Variants in BBX observed in about 807,000 individuals in gnomAD.
The protein encoded by BBX is HMG box transcription factor BBX.
A neutral mutation model predicts 100.2 loss-of-function variants in BBX; 30 were observed. That is an observed-to-expected ratio of 0.30 (90% CI 0.22 to 0.41). The LOEUF is 0.41. BBX is among the 10% of genes least tolerant of loss of function. The pLI, the probability that BBX is intolerant of heterozygous loss-of-function variation, is 1.00. For missense variants in BBX, 1,023 were observed against 1,129.8 expected (o/e 0.91, Z 1.35); for synonymous variants, 376 against 388.1 (o/e 0.97, Z 0.37).
intron 2 of BBX, among the ~76,000 whole-genome samples, chr3:107,569,864 C>A (rs775550550): frequency 1.3e-5 from 2 of 152,132 alleles, no homozygotes; most frequent in Non-Finnish European, 2.9e-5. Context: ...CTGTGATGGT[C>A]CAGAAGGCTT....
intron 2 of BBX, among the ~76,000 whole-genome samples, chr3:107,615,835 G>T (rs1004610719): frequency 6.6e-6 from 1 of 151,902 alleles, no homozygotes; most frequent in African/African-American, 2.4e-5. Context: ...TACAAATTTG[G>T]CAATCATTGG....
chr3:107,584,802 C>T (rs2052707174), intron 2 of BBX, among the ~76,000 whole-genome samples: 1 of 143,680 alleles, frequency 7.0e-6, no homozygotes, highest in Non-Finnish European at 1.5e-5. Flanking sequence ...AGCAGTTCTC[C>T]TGCTTCAGCC....
At chr3:107,584,715 G>A (rs2052697326) in intron 2 of BBX, among the ~76,000 whole-genome samples, 1 of 99,866 alleles carries the variant, frequency 1.0e-5, no homozygotes, top group South Asian at 3.5e-4. Context: ...TTTTGAGGTG[G>A]AGTCTCACTC....
intron 2 of BBX, among the ~76,000 whole-genome samples, chr3:107,612,371 C>G (rs1408924932): frequency 6.6e-6 from 1 of 152,254 alleles, no homozygotes; most frequent in East Asian, 1.9e-4. Flanking sequence ...TACCTGTCCT[C>G]ATTAAGAAGG....
chr3:107,711,105 A>G (rs2061691862), intron 4 of BBX, among the ~76,000 whole-genome samples: 1 of 152,208 alleles, frequency 6.6e-6, no homozygotes, highest in Non-Finnish European at 1.5e-5. Flanking sequence ...CTCTGGCATC[A>G]GGCCTCAGCA....
intron 10 of BBX, among the ~76,000 whole-genome samples, chr3:107,763,327 C>G (rs111742948): frequency 1.3e-5 from 2 of 151,906 alleles, no homozygotes; most frequent in African/African-American, 2.4e-5. Flanking sequence ...CGGGTTCACG[C>G]CACTCTCCTG....
At chr3:107,674,509 T>TCCCGG (rs1419805245) in intron 3 of BBX, among the ~76,000 whole-genome samples, 2 of 152,194 alleles carry the variant, frequency 1.3e-5, no homozygotes, top group African/African-American at 4.8e-5. Context: ...GGATGACTGA[T>TCCCGG]CCCAGTGTAT....
At chr3:107,546,400 T>C (rs1217933430) in intron 2 of BBX, among the ~76,000 whole-genome samples, 2 of 152,216 alleles carry the variant, frequency 1.3e-5, no homozygotes, top group Non-Finnish European at 2.9e-5. Flanking sequence ...ACACTAGTTA[T>C]TTACTTACTT....
rs142570022 is a variant in BBX, at chr3:107,550,659, A to T, written c.-84+24261A>T. ...AACTACAAGGGAAATGTATCTTCTAAGTAAGATCAGGGTCAGATCCTGGGG... is the reference window on the plus strand; with the variant it reads ...AACTACAAGGGAAATGTATCTTCTATGTAAGATCAGGGTCAGATCCTGGGG... On this transcript the variant is annotated intron_variant, in intron 2 of 17. Transcript: ENST00000325805. Among the ~76,000 whole-genome samples the T allele has an allele frequency of 7.2e-5, 11 of 152,304 alleles. No homozygotes were observed. The East Asian group carries it at 1.9e-3, about 27-fold the overall frequency.
At chr3:107,651,971 A>G (rs2057865706) in intron 3 of BBX, among the ~76,000 whole-genome samples, 1 of 152,184 alleles carries the variant, frequency 6.6e-6, no homozygotes. Context: ...TACTGGTTCA[A>G]CCAGAAACAG....
chr3:107,531,189 C>T (rs542994530), intron 2 of BBX, among the ~76,000 whole-genome samples: 21 of 152,236 alleles, frequency 1.4e-4, no homozygotes, highest in Non-Finnish European at 2.2e-4. Context: ...GCATCTTCAC[C>T]ATTCTTTGGC....
intron 3 of BBX, among the ~76,000 whole-genome samples, chr3:107,655,534 T>A (rs1371353696): frequency 7.8e-6 from 1 of 128,018 alleles, no homozygotes; most frequent in Admixed American, 8.2e-5. Context: ...TTTTTTTTTT[T>A]AAGAGATAAG....
intron 2 of BBX, among the ~76,000 whole-genome samples, chr3:107,643,360 T>G (rs2057331428): frequency 6.6e-6 from 1 of 151,510 alleles, no homozygotes; most frequent in African/African-American, 2.4e-5. Flanking sequence ...ATGAAGTTTC[T>G]TAGAGGGAAT....
intron 2 of BBX, among the ~76,000 whole-genome samples, chr3:107,615,815 G>A (rs1234469229): frequency 4.6e-5 from 7 of 152,024 alleles, no homozygotes; most frequent in Admixed American, 1.3e-4. Context: ...AGAGTGGTAC[G>A]GGCTTAAAAT....
intron 3 of BBX, chr3:107,662,478 C>T (rs370810291): frequency 1.3e-5 from 2 of 152,068 alleles, no homozygotes; most frequent in East Asian, 3.9e-4. Flanking sequence ...TAATTGGTAT[C>T]CGCTGCCAGT....
At chr3:107,583,099 T>G (rs1417540808) in intron 2 of BBX, among the ~76,000 whole-genome samples, 1 of 151,824 alleles carries the variant, frequency 6.6e-6, no homozygotes, top group Non-Finnish European at 1.5e-5. Context: ...ATAATCAAAA[T>G]AAAAATCAAC....
At chr3:107,707,939 C>T (rs1297337032) in intron 3 of BBX, among the ~76,000 whole-genome samples, 1 of 152,018 alleles carries the variant, frequency 6.6e-6, no homozygotes, top group African/African-American at 2.4e-5. Flanking sequence ...ATCACTTTAC[C>T]CTCTCCAACT....
At chr3:107,623,124 C>G (rs987881269) in intron 2 of BBX, among the ~76,000 whole-genome samples, 16 of 152,164 alleles carry the variant, frequency 1.1e-4, no homozygotes, top group Non-Finnish European at 1.9e-4. Context: ...CGACGCAGTG[C>G]TTTGTTTTTG....
At chr3:107,527,431 T>C (rs1274299983) in intron 2 of BBX, among the ~76,000 whole-genome samples, 1 of 152,222 alleles carries the variant, frequency 6.6e-6, no homozygotes, top group Non-Finnish European at 1.5e-5. Flanking sequence ...GCTGACATAA[T>C]GTGTACATTA....
Sources: gnomAD v4.1 joint callset for allele counts (sites outside exome capture counted in the v4.1 genomes callset) on GRCh38, gnomAD v4.1.1 for gene constraint, MANE v1.5 for transcripts, NCBI Gene and HGNC (gene_info 2026-07-23, HGNC 2026-07-21) for gene names.